The following ZGRF1 variants were observed in gnomAD, a reference collection of about 807,000 sequenced individuals.
ZGRF1 encodes 5'-3' DNA helicase ZGRF1.
A neutral mutation model predicts 203.5 loss-of-function variants in ZGRF1; 196 were observed. The observed-to-expected ratio is 0.96, with a 90% CI of 0.86 to 1.08. The LOEUF is 1.08. Among genes scored for constraint, ZGRF1 ranks in the 50% least tolerant of loss-of-function variants. The probability of loss-of-function intolerance (pLI) is 0.00; values close to 1 mark genes in which losing one functional copy is unlikely to be tolerated. For synonymous variants in ZGRF1, 809 were observed against 841.3 expected (o/e 0.96, Z 0.66); for missense variants, 2,326 against 2,416.3 (o/e 0.96, Z 0.78).
In ZGRF1 at chr4:112,620,005, A is replaced by C. The variant is rs2047012733; in HGVS notation, c.348T>G (p.Phe116Leu). 6.4e-7 allele frequency: 1 copy of C among 1,571,194 alleles called. No homozygotes were observed. The highest frequency in any genetic ancestry group is 8.6e-7 in the Non-Finnish European group (1 of 1,165,538). ...GCQPSGLKRK[F>L]TGFQGPRQVP... ...TATTTTCCATAGCAAAACTTACAGTAAACTTCCTTTTTAAGCCAGAGGGCT... is the reference window on the plus strand; with the variant it reads ...TATTTTCCATAGCAAAACTTACAGTCAACTTCCTTTTTAAGCCAGAGGGCT... Residue 116 changes from phenylalanine to leucine, a missense_variant, in exon 5 of 28, where the codon TTT (phenylalanine) becomes TTG (leucine). Phe to Leu is a conservative substitution (Grantham distance 22). Transcript: ENST00000505019.
At chr4:112,609,332 C>A in intron 8 of ZGRF1, 47 bp downstream of exon 8, 1 of 979,996 alleles carries the variant, frequency 1.0e-6, no homozygotes, top group Non-Finnish European at 1.5e-6. Context: ...GGATTACAGG[C>A]ATGAGCCACC....
chr4:112,540,176 GC>G, intron 26 of ZGRF1, 52 bp from the exon 27 acceptor site: 2 of 1,393,852 alleles, frequency 1.4e-6, no homozygotes, highest in Non-Finnish European at 1.9e-6. Flanking sequence ...AAGAACTTAA[GC>G]CTCTGAACCT....
Position 112,618,786 on chromosome 4 carries a change from CAAGT to C in ZGRF1, c.1252_1255del (p.Thr418ValfsTer44). On this transcript the variant is annotated frameshift_variant, in exon 6 of 28. Coordinates refer to ENST00000505019, the MANE Select transcript of ZGRF1 (RefSeq NM_018392.5). LOFTEE classifies it high-confidence loss of function. ...TATACCATCATTTTCTGCACTGCTACAAGTAACCTGTAAGCTACTGCTTTCATTG... is the reference window on the plus strand; with the variant it reads ...TATACCATCATTTTCTGCACTGCTACAACCTGTAAGCTACTGCTTTCATTG... 6.2e-7 allele frequency: 1 copy of C among 1,612,334 alleles called. No homozygotes were observed. Among genetic ancestry groups the C allele is most frequent in the Non-Finnish European group, 8.5e-7 (1 of 1,179,612 alleles).
intron 16 of ZGRF1, among the ~76,000 whole-genome samples, chr4:112,580,561 G>T (rs1269199206): frequency 8.6e-5 from 13 of 151,840 alleles, no homozygotes; most frequent in Non-Finnish European, 1.9e-4. Context: ...AATCTACAAT[G>T]AACTCAAACA....
chr4:112,586,584 C>T lies in ZGRF1; in HGVS notation c.3778-1G>A. 6.3e-7 allele frequency: 1 copy of T among 1,599,048 alleles called. No individual in the cohort carries two copies. The highest frequency in any genetic ancestry group is 8.5e-7 in the Non-Finnish European group (1 of 1,171,518). ...AGCACAGCTCAGAGCCACTTATCTC[C>T]TGCAATGGAATAATTCAAGTTATCA... On this transcript the variant is annotated splice_acceptor_variant, in intron 12 of 27. Transcript: ENST00000505019. LOFTEE classifies it high-confidence loss of function.
rs770449909 is a variant in ZGRF1, at chr4:112,618,868, C to A, written c.1174G>T (p.Gly392Cys). 12 of 1,613,372 alleles carry A rather than the reference C, an allele frequency of 7.4e-6. No homozygotes were observed. The East Asian group carries it at 2.7e-4, about 36-fold the overall frequency. The change falls in exon 6 of 28, where the codon GGT becomes TGT. Residue 392 changes from glycine to cysteine, a missense_variant. Physicochemically the swap from Gly to Cys is radical, Grantham distance 159. Coordinates refer to ENST00000505019, the MANE Select transcript of ZGRF1 (RefSeq NM_018392.5). ...RKKYNVDQSV[G>C]NNDPSWNQEV... ...TGATTCCAGGATGGATCATTATTAC[C>A]GACTGACTGGTCTACATTATACTTT... is the stretch of plus-strand genomic sequence containing the variant.
intron 1 of ZGRF1, among the ~76,000 whole-genome samples, chr4:112,633,541 CAT>C (rs759143298): frequency 1.5e-4 from 23 of 152,344 alleles, no homozygotes; most frequent in Non-Finnish European, 2.1e-4. Context: ...TTGTCCTCCA[CAT>C]GTTTGGTTCC....
intron 10 of ZGRF1, among the ~76,000 whole-genome samples, chr4:112,592,579 T>C (rs1366071154): frequency 6.6e-6 from 1 of 152,336 alleles, no homozygotes; most frequent in Non-Finnish European, 1.5e-5. Context: ...GATACAAATA[T>C]AACCCATTCT....
At chr4:112,554,825 C>G (rs1054310285) in intron 20 of ZGRF1, 43 bp from the exon 21 acceptor site, 8 of 1,081,746 alleles carry the variant, frequency 7.4e-6, no homozygotes, top group African/African-American at 1.6e-5. Flanking sequence ...ATTTAGGAAA[C>G]AGAATATAAA....
At chr4:112,566,672 C>T (rs1477502779) in intron 16 of ZGRF1, among the ~76,000 whole-genome samples, 1 of 151,924 alleles carries the variant, frequency 6.6e-6, no homozygotes, top group Non-Finnish European at 1.5e-5. Flanking sequence ...TGTTGGCTTC[C>T]TTTCTGTGGG....
At position 112,547,243 on chromosome 4, in the gene ZGRF1, A is replaced by G. The variant is rs140244194; in HGVS notation, c.5598+42T>C. On this transcript the variant is annotated intron_variant, in intron 24 of 27. Coordinates refer to ENST00000505019, the MANE Select transcript of ZGRF1 (RefSeq NM_018392.5). ...ATCAACACACACACACACAATGTAG[A>G]ATCAATAAATGATAATTCCGTAAGA... 1,146 of 1,578,428 alleles carry G rather than the reference A, an allele frequency of 7.3e-4. 17 individuals carry two copies. In the East Asian group the frequency reaches 0.024, roughly 33 times the overall value.
Position 112,589,847 on chromosome 4 carries a change from T to C in ZGRF1, c.3004A>G (p.Thr1002Ala), listed in dbSNP as rs375347159. The C allele has an allele frequency of 8.7e-6, 14 of 1,606,978 alleles. 1 individual carries two copies. The highest frequency in any genetic ancestry group is 3.3e-4 in the Middle Eastern group (2 of 6,022). Reference protein sequence around the residue: ...QVTSPEENISTLSPVSTFSLN... With the variant: ...QVTSPEENISALSPVSTFSLN... ...GAAAAGGTAGAAACAGGGCTCAATG[T>C]AGAGATGTTTTCTTCTGGTGATGTC... is the stretch of plus-strand genomic sequence containing the variant. Residue 1002 changes from threonine to alanine, a missense_variant, in exon 11 of 28, where the codon ACA (threonine) becomes GCA (alanine). Transcript: ENST00000505019.
intron 20 of ZGRF1, among the ~76,000 whole-genome samples, chr4:112,557,415 T>A (rs1741141021): frequency 6.6e-6 from 1 of 152,216 alleles, no homozygotes; most frequent in Non-Finnish European, 1.5e-5. Context: ...CATCAAGTGA[T>A]CTGCCTGCAT....
At position 112,613,707 on chromosome 4, in the gene ZGRF1, C is replaced by G. The variant is rs148035803; in HGVS notation, c.2603-1119G>C. Reference sequence around the variant, plus strand: ...ACAAAACAGCAGAAAAGTTGGCAAGCCTGCAGAATGCAAAGGAGTGCAGGG... The same window carrying G: ...ACAAAACAGCAGAAAAGTTGGCAAGGCTGCAGAATGCAAAGGAGTGCAGGG... On this transcript the variant is annotated intron_variant, in intron 6 of 27. Transcript: ENST00000505019. Among the ~76,000 whole-genome samples, 466 of 152,252 alleles carry G rather than the reference C, an allele frequency of 3.1e-3. 2 individuals are homozygous for G. Among genetic ancestry groups the G allele is most frequent in the African/African-American group, 0.011 (445 of 41,544 alleles).
Position 112,618,941 on chromosome 4 carries a change from T to C in ZGRF1, c.1101A>G (p.Ser367=), listed in dbSNP as rs529856281. The part of the protein sequence containing the change: ...DDVNSNLKDL[S]LQKIIQFVET... ...CAACGAACTGTATAATTTTTTGTAA[T>C]GAAAGGTCTTTCAAATTAGAATTTA... is the stretch of plus-strand genomic sequence containing the variant. The change falls in exon 6 of 28, where the codon TCA becomes TCG. Residue 367 remains serine (S), a synonymous_variant. Coordinates refer to ENST00000505019, the MANE Select transcript of ZGRF1 (RefSeq NM_018392.5). 2.0e-5 allele frequency: 33 copies of C among 1,613,918 alleles called. No homozygotes were observed. Among genetic ancestry groups the C allele is most frequent in the Middle Eastern group, 3.3e-4 (2 of 6,060 alleles).
At chr4:112,610,823 T>A (rs768550952) in intron 7 of ZGRF1, 48 of 167,630 alleles carry the variant, frequency 2.9e-4, no homozygotes, top group Middle Eastern at 2.5e-3. Flanking sequence ...GGATGGATGG[T>A]AAATAACTTT....
chr4:112,606,150 T>C (rs1750742036), intron 8 of ZGRF1, 59 bp from the exon 9 acceptor site: 1 of 1,064,180 alleles, frequency 9.4e-7, no homozygotes, highest in Non-Finnish European at 1.4e-6. Flanking sequence ...AGGTGATTCA[T>C]GATTTTGATG....
At chr4:112,605,491 T>C (rs889095230) in intron 9 of ZGRF1, 5 of 152,816 alleles carry the variant, frequency 3.3e-5, no homozygotes, top group East Asian at 1.9e-4. Flanking sequence ...TATGCTGCCA[T>C]GTAGATCTCT....
chr4:112,636,483 C>T (rs533828094), intron 1 of ZGRF1, among the ~76,000 whole-genome samples: 1 of 152,252 alleles, frequency 6.6e-6, no homozygotes, highest in African/African-American at 2.4e-5. Context: ...ATGAACTCAA[C>T]ATTGTTAACA....
Sources: allele counts gnomAD v4.1 joint callset (sites outside exome capture counted in the v4.1 genomes callset), GRCh38; gene constraint gnomAD v4.1.1; transcripts MANE v1.5; gene names NCBI Gene and HGNC (gene_info 2026-07-23, HGNC 2026-07-21).